The following APOL6 variants were observed in gnomAD, a reference collection of about 807,000 sequenced individuals.
APOL6 encodes apolipoprotein L6.
Under a neutral mutation model 2.4 loss-of-function variants are expected in APOL6, and 1 was observed. That is an observed-to-expected ratio of 0.41 (90% confidence interval 0.15 to 1.94). The LOEUF (loss-of-function observed/expected upper bound fraction) is 1.94, where lower values mean the gene tolerates loss of function less well. Ranked by LOEUF, APOL6 falls within the 30% of genes most tolerant of loss-of-function variation. The pLI, the probability that APOL6 is intolerant of heterozygous loss-of-function variation, is 0.30. For missense variants in APOL6, 438 were observed against 429.2 expected (o/e 1.02, Z -0.18); for synonymous variants, 189 against 169.3 (o/e 1.12, Z -0.90).
At position 35,660,609 on chromosome 22, in the gene APOL6, G is replaced by C. The variant is rs1248834303; in HGVS notation, c.*1013G>C. 6.6e-6 allele frequency: 1 copy of C among 152,308 alleles called. No homozygotes were observed. The highest frequency in any genetic ancestry group is 1.5e-5 in the Non-Finnish European group (1 of 68,056). 9.4% of individuals were successfully genotyped at this position (152,308 alleles called of 1,614,324 possible). A position where few individuals can be genotyped will look rare whatever the true frequency, so the allele number is the denominator to read the frequency against. ...GACTGGGTAATTTACAAACAACAGA[G>C]ATGTATCCAGAGATCCACAGTTCTG... On this transcript the variant is annotated 3_prime_UTR_variant, in exon 3 of 3. Transcript: ENST00000409652.
chr22:35,659,250 T>C lies in APOL6; in HGVS notation c.686T>C (p.Met229Thr). 1 of 1,614,204 alleles carries C rather than the reference T, an allele frequency of 6.2e-7. No individual in the cohort carries two copies. The highest frequency in any genetic ancestry group is 8.5e-7 in the Non-Finnish European group (1 of 1,180,014). The stretch of plus-strand genomic sequence containing the variant: ...GCCTTTGCGGGAACAACACTGGCGA[T>C]GACCAAAAATGCTCGCGTGCTGGGA... Reference protein sequence around the residue: ...QKAFAGTTLAMTKNARVLGGV... With the variant: ...QKAFAGTTLATTKNARVLGGV... The change falls in exon 3 of 3, where the codon ATG (methionine) becomes ACG (threonine). Residue 229 changes from methionine to threonine, a missense_variant. Physicochemically the swap from Met to Thr is moderately conservative, Grantham distance 81 (BLOSUM62 -1). Transcript: ENST00000409652.
intron 1 of APOL6, among the ~76,000 whole-genome samples, chr22:35,653,098 G>T (rs1198708237): frequency 6.6e-6 from 1 of 150,746 alleles, no homozygotes; most frequent in Non-Finnish European, 1.5e-5. Context: ...AGTTCTCCTT[G>T]AAGAAGTCCT....
intron 1 of APOL6, among the ~76,000 whole-genome samples, chr22:35,651,571 C>T (rs1215108879): frequency 2.0e-5 from 3 of 152,202 alleles, no homozygotes; most frequent in East Asian, 1.9e-4. Context: ...CAACAGGCCC[C>T]GGTGTGTGAC....
chr22:35,652,927 T>G lies in APOL6; in HGVS notation c.-47-3452T>G, dbSNP rs1227157278. Among the ~76,000 whole-genome samples, 3 of 152,060 alleles carry G rather than the reference T, an allele frequency of 2.0e-5. No individual in the cohort carries two copies. In the East Asian group the frequency reaches 5.8e-4, roughly 29 times the overall value. On this transcript the variant is annotated intron_variant, in intron 1 of 2. Transcript: ENST00000409652. ...ACTTTAAAGTAGTTTTTTCCAATTC[T>G]GTGAAGAAAGTCATTGGTAGCTTGA...
At chr22:35,649,567 CAT>C (rs1311599810) in intron 1 of APOL6, among the ~76,000 whole-genome samples, 9 of 151,890 alleles carry the variant, frequency 5.9e-5, no homozygotes, top group Non-Finnish European at 1.3e-4. Context: ...GAAAGACTGT[CAT>C]AAATATCCTG....
At chr22:35,655,571 T>C (rs988825664) in intron 1 of APOL6, among the ~76,000 whole-genome samples, 1 of 152,190 alleles carries the variant, frequency 6.6e-6, no homozygotes, top group Non-Finnish European at 1.5e-5. Context: ...TATTGCTATG[T>C]AATATTTAAC....
rs889497456 is a variant in APOL6 at position 35,666,085 on chromosome 22, T to C, written c.*6489T>C. 28 of 152,210 alleles carry C rather than the reference T, an allele frequency of 1.8e-4. No individual in the cohort carries two copies. Among genetic ancestry groups the C allele is most frequent in the African/African-American group, 6.5e-4 (27 of 41,458 alleles). 9.4% of individuals were successfully genotyped at this position (152,210 alleles called of 1,614,324 possible). Reference sequence around the variant, plus strand: ...GTTATTGGTGTATGTTCCAAAATTATGTGAAACTCCTATAATTCTAATATA... The same window carrying C: ...GTTATTGGTGTATGTTCCAAAATTACGTGAAACTCCTATAATTCTAATATA... On this transcript the variant is annotated 3_prime_UTR_variant, in exon 3 of 3. Transcript: ENST00000409652.
chr22:35,659,825 G>T lies in APOL6; in HGVS notation c.*229G>T. The stretch of plus-strand genomic sequence containing the variant: ...CTGTTGCCCAGGCTGGAGTGCAGTG[G>T]CGTAATCTCGGCTCACTGCAACCTC... On this transcript the variant is annotated 3_prime_UTR_variant, in exon 3 of 3. Coordinates refer to ENST00000409652, the MANE Select transcript of APOL6 (RefSeq NM_030641.4). 1 of 657,316 alleles carries T rather than the reference G, an allele frequency of 1.5e-6. No homozygotes were observed. The highest frequency in any genetic ancestry group is 2.4e-6 in the Non-Finnish European group (1 of 412,356). 40.7% of individuals were successfully genotyped at this position (657,316 alleles called of 1,614,324 possible). A position where few individuals can be genotyped will look rare whatever the true frequency, so the allele number is the denominator to read the frequency against.
rs1924970007 is a variant in APOL6, at chr22:35,659,752, C to CATGT, written c.*156_*157insATGT. 1 of 1,184,060 alleles carries CATGT rather than the reference C, an allele frequency of 8.4e-7. No homozygotes were observed. Among genetic ancestry groups the CATGT allele is most frequent in the Admixed American group, 2.8e-5 (1 of 36,154 alleles). The allele number at this position is 1,184,060 out of a possible 1,614,324, so 73.3% of individuals were successfully genotyped here. Reference sequence around the variant, plus strand: ...CCTATGTGCTGGGAAAAGGGTCTTCCCTGTTTGTTTGTTTGTTTGTTTGTT... The same window carrying CATGT: ...CCTATGTGCTGGGAAAAGGGTCTTCCATGTCTGTTTGTTTGTTTGTTTGTTTGTT... On this transcript the variant is annotated 3_prime_UTR_variant, in exon 3 of 3. Transcript: ENST00000409652.
At chr22:35,655,420 G>A (rs1383384875) in intron 1 of APOL6, among the ~76,000 whole-genome samples, 1 of 151,982 alleles carries the variant, frequency 6.6e-6, no homozygotes, top group South Asian at 2.1e-4. Context: ...AAGAAACCTC[G>A]ATTCTGACTT....
At position 35,659,425 on chromosome 22, in the gene APOL6, G is replaced by C. The variant is rs761196484; in HGVS notation, c.861G>C (p.Gln287His). ...AGAGGAAACTCACAGAACTCACCCA[G>C]CTCTACAAGAGCTTGCAGCAGAAAG... The part of the protein sequence containing the change: ...ELERKLTELT[Q>H]LYKSLQQKVR... The change falls in exon 3 of 3, where the codon CAG (glutamine) becomes CAC (histidine). Residue 287 changes from glutamine (Q) to histidine (H), a missense_variant. Physicochemically the swap from Gln to His is conservative, Grantham distance 24 (BLOSUM62 0). Coordinates refer to ENST00000409652, the MANE Select transcript of APOL6 (RefSeq NM_030641.4). 7.4e-6 allele frequency: 12 copies of C among 1,613,968 alleles called. No homozygotes were observed. Among genetic ancestry groups the C allele is most frequent in the Non-Finnish European group, 1.0e-5 (12 of 1,180,034 alleles).
At chr22:35,654,516 T>A (rs1306947973) in intron 1 of APOL6, among the ~76,000 whole-genome samples, 1 of 149,998 alleles carries the variant, frequency 6.7e-6, no homozygotes, top group Non-Finnish European at 1.5e-5. Context: ...GAAATGGGGA[T>A]AAGAACTCTC....
rs1465751394 is a variant in APOL6, at chr22:35,664,515, A to G, written c.*4919A>G. 5 of 152,246 alleles carry G rather than the reference A, an allele frequency of 3.3e-5. No homozygotes were observed. The highest frequency in any genetic ancestry group is 7.3e-5 in the Non-Finnish European group (5 of 68,046). The allele number at this position is 152,246 out of a possible 1,614,324, so 9.4% of individuals were successfully genotyped here. A position where few individuals can be genotyped will look rare whatever the true frequency, so the allele number is the denominator to read the frequency against. On this transcript the variant is annotated 3_prime_UTR_variant, in exon 3 of 3. Coordinates refer to ENST00000409652, the MANE Select transcript of APOL6 (RefSeq NM_030641.4). ...CAAGGACAGCTTGGAAGTTAAGAGC[A>G]AGGTGGAGTCAGTTAGGTCAAATCG...
intron 2 of APOL6, among the ~76,000 whole-genome samples, chr22:35,657,023 C>T (rs5995135): frequency 0.078 from 11,912 of 152,292 alleles, 974 homozygotes; most frequent in African/African-American, 0.21. Context: ...ATACAGGATT[C>T]ACTGGAGCAG....
rs764911197 is a variant in APOL6 at position 35,658,743 on chromosome 22, T to A, written c.179T>A (p.Leu60His). Residue 60 changes from leucine (L) to histidine (H), a missense_variant, in exon 3 of 3, where the codon CTC (leucine) becomes CAC (histidine). Leu to His is a moderately conservative substitution (Grantham distance 99, BLOSUM62 -3). Transcript: ENST00000409652. ...GATCTGAAAGGGAACATTGACAAGC[T>A]CCGTGCCCTCGCAGACGATATTGAC... ...KEDLKGNIDK[L>H]RALADDIDKT... 1.2e-6 allele frequency: 2 copies of A among 1,614,160 alleles called. No homozygotes were observed. Among genetic ancestry groups the A allele is most frequent in the South Asian group, 1.1e-5 (1 of 91,080 alleles).
In APOL6 at chr22:35,659,677, C is replaced by G; in HGVS notation, c.*81C>G. On this transcript the variant is annotated 3_prime_UTR_variant, in exon 3 of 3. Coordinates refer to ENST00000409652, the MANE Select transcript of APOL6 (RefSeq NM_030641.4). ...CATCTTGGAGATGAGGGTGCCTGTCCTGGACAGACCTCGGCATGCCTTCTG... is the reference window on the plus strand; with the variant it reads ...CATCTTGGAGATGAGGGTGCCTGTCGTGGACAGACCTCGGCATGCCTTCTG... 2 of 1,473,558 alleles carry G rather than the reference C, an allele frequency of 1.4e-6. No individual in the cohort carries two copies. The highest frequency in any genetic ancestry group is 1.8e-6 in the Non-Finnish European group (2 of 1,111,526). The allele number at this position is 1,473,558 out of a possible 1,614,324, so 91.3% of individuals were successfully genotyped here. A position where few individuals can be genotyped will look rare whatever the true frequency, so the allele number is the denominator to read the frequency against.
rs918228628 is a variant in APOL6 at position 35,667,341 on chromosome 22, G to T, written c.*7745G>T. 6.6e-6 allele frequency: 1 copy of T among 152,192 alleles called. No individual in the cohort carries two copies. The highest frequency in any genetic ancestry group is 2.4e-5 in the African/African-American group (1 of 41,452). The allele number at this position is 152,192 out of a possible 1,614,324, so 9.4% of individuals were successfully genotyped here. A position where few individuals can be genotyped will look rare whatever the true frequency, so the allele number is the denominator to read the frequency against. ...TTCCTCCTGTGGAACAAAGTTAATT[G>T]GTTCCAGAGATTCAAAGCCAGAGTT... On this transcript the variant is annotated 3_prime_UTR_variant, in exon 3 of 3. Transcript: ENST00000409652.
chr22:35,658,939 C>G lies in APOL6; in HGVS notation c.375C>G (p.Ile125Met). 1.2e-6 allele frequency: 2 copies of G among 1,613,924 alleles called. No individual in the cohort carries two copies. The highest frequency in any genetic ancestry group is 1.3e-5 in the African/African-American group (1 of 75,014). Residue 125 changes from isoleucine to methionine, a missense_variant, in exon 3 of 3, where the codon ATC becomes ATG. Ile to Met is a conservative substitution (Grantham distance 10). Transcript: ENST00000409652. Reference sequence around the variant, plus strand: ...CAACAGCAGCTGGGGTCACCAGCATCGTGAGTGGTACGTTGGAACGCTCCA... The same window carrying G: ...CAACAGCAGCTGGGGTCACCAGCATGGTGAGTGGTACGTTGGAACGCTCCA... ...GLATAAGVTS[I>M]VSGTLERSKN...
intron 1 of APOL6, among the ~76,000 whole-genome samples, chr22:35,655,851 C>T (rs1924831065): frequency 6.6e-6 from 1 of 152,086 alleles, no homozygotes; most frequent in Non-Finnish European, 1.5e-5. Context: ...AGCTTCAATA[C>T]ATCTCCAACA....
Sources: gnomAD v4.1 joint callset for allele counts (sites outside exome capture counted in the v4.1 genomes callset) on GRCh38, gnomAD v4.1.1 for gene constraint, MANE v1.5 for transcripts, NCBI Gene and HGNC (gene_info 2026-07-23, HGNC 2026-07-21) for gene names.